Variants in CADPS observed in about 807,000 individuals in gnomAD.
The protein encoded by CADPS is calcium-dependent secretion activator 1.
CADPS carries 57 observed loss-of-function variants against 167.3 expected under a neutral mutation model. The observed-to-expected ratio is 0.34, with a 90% confidence interval of 0.28 to 0.42. The LOEUF is 0.42. Among genes scored for constraint, CADPS ranks in the 20% least tolerant of loss-of-function variants. The probability of loss-of-function intolerance (pLI) is 1.00; values close to 1 mark genes in which losing one functional copy is unlikely to be tolerated. For missense variants in CADPS, 1,414 were observed against 1,738.1 expected, an observed-to-expected ratio of 0.81 and a Z score of 3.32; for synonymous variants, 676 against 635.3, an observed-to-expected ratio of 1.06 and a Z score of -0.96.
At chr3:62,483,315 T>G (rs1438051871) in intron 21 of CADPS, among the ~76,000 whole-genome samples, 15 of 58,258 alleles carry the variant, frequency 2.6e-4, no homozygotes, top group Non-Finnish European at 3.5e-4. Context: ...AGTGGGGGAG[T>G]AGGGGAGTAG....
chr3:62,475,590 A>AAG (rs2061184740), intron 23 of CADPS, among the ~76,000 whole-genome samples: 2 of 142,354 alleles, frequency 1.4e-5, no homozygotes, highest in Non-Finnish European at 3.0e-5. Context: ...TTAAGAAAAA[A>AAG]AAAAAAAAAA....
intron 24 of CADPS, among the ~76,000 whole-genome samples, chr3:62,468,771 C>G (rs2060234691): frequency 6.6e-6 from 1 of 152,118 alleles, no homozygotes; most frequent in African/African-American, 2.4e-5. Flanking sequence ...ATGAACGTTG[C>G]TTTTTTTCTG....
At chr3:62,520,603 T>C (rs1245213019) in intron 13 of CADPS, among the ~76,000 whole-genome samples, 1 of 146,794 alleles carries the variant, frequency 6.8e-6, no homozygotes, top group Non-Finnish European at 1.5e-5. Flanking sequence ...CAAACTAACT[T>C]TACTAAGTCT....
chr3:62,549,480 GTCA>G (rs2076999328), intron 11 of CADPS, among the ~76,000 whole-genome samples: 1 of 129,442 alleles, frequency 7.7e-6, no homozygotes, highest in Non-Finnish European at 1.6e-5. Context: ...ATGTGATAAT[GTCA>G]TCATTTATTT....
In CADPS at chr3:62,536,593, T is replaced by C. The variant is rs777591183; in HGVS notation, c.1967-12A>G. 5 of 1,612,046 alleles carry C rather than the reference T, an allele frequency of 3.1e-6. No homozygotes were observed. The highest frequency in any genetic ancestry group is 4.2e-6 in the Non-Finnish European group (5 of 1,178,632). ...AGCTCTATCTGCGTCTGTTCATTTA[T>C]ACATGTAGAGAGAGACACAATTTAG... On this transcript the variant is annotated splice_polypyrimidine_tract_variant and intron_variant, in intron 11 of 29. Coordinates refer to ENST00000383710, the MANE Select transcript of CADPS (RefSeq NM_003716.4).
At chr3:62,401,197 G>A (rs374012978) in intron 29 of CADPS, among the ~76,000 whole-genome samples, 1 of 148,252 alleles carries the variant, frequency 6.7e-6, no homozygotes, top group African/African-American at 2.5e-5. Context: ...GCATGGTGTG[G>A]GCCAGATATC....
intron 3 of CADPS, among the ~76,000 whole-genome samples, chr3:62,744,602 T>C (rs561817): frequency 0.34 from 51,166 of 152,080 alleles, 9,132 homozygotes; most frequent in South Asian, 0.44. Flanking sequence ...TAGATTTTGT[T>C]GTTTGGCAAA....
intron 24 of CADPS, among the ~76,000 whole-genome samples, chr3:62,467,946 A>G (rs1006249774): frequency 2.0e-5 from 3 of 152,176 alleles, no homozygotes; most frequent in African/African-American, 4.8e-5. Context: ...AGATAAGGGT[A>G]GAGAGAGACA....
At chr3:62,470,674 G>T (rs1040877657) in intron 24 of CADPS, 13 of 152,274 alleles carry the variant, frequency 8.5e-5, no homozygotes, top group African/African-American at 2.6e-4. Context: ...CCCACAGCTG[G>T]TCATTTAAGT....
rs2058991837 is a variant in CADPS at position 62,458,732 on chromosome 3, A to G, written c.3636+6635T>C. ...TCAAATTCCTGACCTCAGGTGATCC[A>G]CTCATCTCTGCCTCCCAAAGTGCTG... On this transcript the variant is annotated intron_variant, in intron 26 of 29. Coordinates refer to ENST00000383710, the MANE Select transcript of CADPS (RefSeq NM_003716.4). This position sits in a 1 kb window ranked among gnomAD's most constrained non-coding sequence, Gnocchi z 4.6. Among the ~76,000 whole-genome samples the G allele has an allele frequency of 6.6e-6, 1 of 151,900 alleles. No individual in the cohort carries two copies.
At chr3:62,826,985 C>T (rs1311140863) in intron 1 of CADPS, among the ~76,000 whole-genome samples, 1 of 152,110 alleles carries the variant, frequency 6.6e-6, no homozygotes, top group Non-Finnish European at 1.5e-5. Flanking sequence ...TACACCTAAG[C>T]TGCTGCTGGG....
intron 26 of CADPS, among the ~76,000 whole-genome samples, chr3:62,452,731 G>C (rs1313890854): frequency 6.6e-6 from 1 of 152,204 alleles, no homozygotes; most frequent in Non-Finnish European, 1.5e-5. Context: ...CAGAAGGAGA[G>C]TGGAGGAGAA....
At chr3:62,466,506 G>T in intron 24 of CADPS, 93 bp from the exon 25 acceptor site, 1 of 806,202 alleles carries the variant, frequency 1.2e-6, no homozygotes, top group Non-Finnish European at 2.1e-6. Flanking sequence ...TATAAATAAA[G>T]CCTGGCCTGC....
chr3:62,832,561 A>C (rs774575205), intron 1 of CADPS, among the ~76,000 whole-genome samples: 2 of 152,216 alleles, frequency 1.3e-5, no homozygotes, highest in East Asian at 3.9e-4. Flanking sequence ...TGACCTGTGG[A>C]GCAGAGTTTT....
chr3:62,577,554 C>A (rs1446800945), intron 8 of CADPS, among the ~76,000 whole-genome samples: 1 of 152,032 alleles, frequency 6.6e-6, no homozygotes, highest in East Asian at 1.9e-4. Context: ...GAAGCATGGG[C>A]TGGAAAAAAG....
intron 17 of CADPS, among the ~76,000 whole-genome samples, chr3:62,505,351 C>T (rs1044511660): frequency 5.3e-5 from 8 of 152,184 alleles, no homozygotes; most frequent in African/African-American, 1.7e-4. Flanking sequence ...TTTTCCCATG[C>T]TTTTCATTGG....
At chr3:62,815,527 T>A (rs73102751) in intron 1 of CADPS, among the ~76,000 whole-genome samples, 1 of 152,186 alleles carries the variant, frequency 6.6e-6, no homozygotes, top group Non-Finnish European at 1.5e-5. Flanking sequence ...GGTGTGTGCA[T>A]GTAGGATTTA....
intron 1 of CADPS, among the ~76,000 whole-genome samples, chr3:62,782,326 T>A (rs2091787348): frequency 6.6e-6 from 1 of 152,174 alleles, no homozygotes; most frequent in South Asian, 2.1e-4. Context: ...CATGCACACA[T>A]CCACCCACCT....
chr3:62,452,169 A>T (rs1316544315), intron 26 of CADPS, among the ~76,000 whole-genome samples: 1 of 152,224 alleles, frequency 6.6e-6, no homozygotes, highest in Admixed American at 6.5e-5. Context: ...GACAACTAAG[A>T]AAGTACCACT....
Sources: allele counts gnomAD v4.1 joint callset (sites outside exome capture counted in the v4.1 genomes callset), GRCh38; gene constraint gnomAD v4.1.1; non-coding constraint Gnocchi (gnomAD v3.1); transcripts MANE v1.5; gene names NCBI Gene and HGNC (gene_info 2026-07-23, HGNC 2026-07-21).